Variants in AUTS2 observed in about 807,000 individuals in gnomAD.
The protein encoded by AUTS2 is autism susceptibility gene 2 protein.
Under a neutral mutation model 112.4 loss-of-function variants are expected in AUTS2, and 17 were observed. That is an observed-to-expected ratio of 0.15 (90% CI 0.10 to 0.23). The LOEUF is 0.23. AUTS2 is among the 10% of genes least tolerant of loss of function. The probability of loss-of-function intolerance (pLI) is 1.00; values close to 1 mark genes in which losing one functional copy is unlikely to be tolerated. For missense variants in AUTS2, 1,510 were observed against 1,701.6 expected (o/e 0.89, Z 1.98); for synonymous variants, 751 against 702.7 (o/e 1.07, Z -1.09).
At chr7:70,309,523 A>G (rs1585002212) in intron 4 of AUTS2, among the ~76,000 whole-genome samples, 1 of 152,302 alleles carries the variant, frequency 6.6e-6, no homozygotes. Context: ...TTCTGTACCA[A>G]TACACACCAC....
chr7:69,977,783 C>T (rs2129549141), intron 2 of AUTS2, among the ~76,000 whole-genome samples: 1 of 152,196 alleles, frequency 6.6e-6, no homozygotes, highest in African/African-American at 2.4e-5. Flanking sequence ...GTTTTTTCAA[C>T]TCCAAATCTG....
chr7:70,248,244 GACTACAGGCACCC>G (rs1813030659), intron 4 of AUTS2, among the ~76,000 whole-genome samples: 1 of 152,006 alleles, frequency 6.6e-6, no homozygotes, highest in Admixed American at 6.6e-5. Flanking sequence ...TAGTAGCTGG[GACTACAGGCACCC>G]ACTACCACGC....
chr7:69,926,951 T>C, intron 2 of AUTS2, among the ~76,000 whole-genome samples: 1 of 146,514 alleles, frequency 6.8e-6, no homozygotes, highest in East Asian at 1.9e-4. Flanking sequence ...TATATAAAGA[T>C]ATATAACATA....
intron 4 of AUTS2, among the ~76,000 whole-genome samples, chr7:70,213,628 T>G (rs1811032592): frequency 1.3e-5 from 2 of 152,146 alleles, no homozygotes; most frequent in African/African-American, 4.8e-5. Context: ...TTTAGGAAAT[T>G]CTTTGTTGCC....
At chr7:70,544,069 T>G (rs1800668340) in intron 5 of AUTS2, among the ~76,000 whole-genome samples, 1 of 152,208 alleles carries the variant, frequency 6.6e-6, no homozygotes. Context: ...GAATGTGTCC[T>G]TTGTATTTAA....
At chr7:69,965,532 C>A (rs1797603568) in intron 2 of AUTS2, among the ~76,000 whole-genome samples, 1 of 152,086 alleles carries the variant, frequency 6.6e-6, no homozygotes, top group Non-Finnish European at 1.5e-5. Flanking sequence ...TGCCCCCAAC[C>A]CAGACTTAGG....
chr7:70,346,049 T>C (rs937842858), intron 4 of AUTS2, among the ~76,000 whole-genome samples: 1 of 152,170 alleles, frequency 6.6e-6, no homozygotes, highest in Non-Finnish European at 1.5e-5. Flanking sequence ...TACGTGCCAG[T>C]GTGCTTCATC....
Position 69,899,482 on chromosome 7 carries a change from C to T in AUTS2, c.506C>T (p.Pro169Leu), listed in dbSNP as rs762540993. 16 of 1,613,812 alleles carry T rather than the reference C, an allele frequency of 9.9e-6. No homozygotes were observed. Among genetic ancestry groups the T allele is most frequent in the South Asian group, 4.4e-5 (4 of 91,068 alleles). Reference sequence around the variant, plus strand: ...CACCTTGGGAAGAGAAAGAAAATGCCGAAGGCACTCAGACAGGTGAGGAAG... The same window carrying T: ...CACCTTGGGAAGAGAAAGAAAATGCTGAAGGCACTCAGACAGGTGAGGAAG... ...CQHLGKRKKMPKALRQLKPGQ... is the reference protein window; with the variant it reads ...CQHLGKRKKMLKALRQLKPGQ... The change falls in exon 2 of 19, where the codon CCG becomes CTG. Residue 169 changes from proline (P) to leucine (L), a missense_variant. Pro to Leu is a moderately conservative substitution (Grantham distance 98). Transcript: ENST00000342771.
rs1251142821 is a variant in AUTS2 at position 70,421,738 on chromosome 7, A to G, written c.661-14014A>G. On this transcript the variant is annotated intron_variant, in intron 4 of 18. Coordinates refer to ENST00000342771, the MANE Select transcript of AUTS2 (RefSeq NM_015570.4). ...AAATACACAATTATTCTTTTCCTCCAAATAGAGAAACTCAATCCCCATTTT... is the reference window on the plus strand; with the variant it reads ...AAATACACAATTATTCTTTTCCTCCGAATAGAGAAACTCAATCCCCATTTT... 3.3e-5 allele frequency among the ~76,000 whole-genome samples: 5 copies of G among 152,316 alleles called. No individual in the cohort carries two copies. In the East Asian group the frequency reaches 7.7e-4, roughly 23 times the overall value.
chr7:69,965,262 T>A (rs1191996592), intron 2 of AUTS2, among the ~76,000 whole-genome samples: 1 of 152,150 alleles, frequency 6.6e-6, no homozygotes, highest in Non-Finnish European at 1.5e-5. Flanking sequence ...GAAAGTGTGC[T>A]AAGAACTTTA....
At chr7:70,590,422 G>A (rs770001518) in intron 5 of AUTS2, among the ~76,000 whole-genome samples, 2 of 152,092 alleles carry the variant, frequency 1.3e-5, no homozygotes, top group African/African-American at 4.8e-5. Flanking sequence ...TATCTCCCTA[G>A]AGGTTGTTAG....
At chr7:70,488,871 T>G (rs1307136479) in intron 5 of AUTS2, among the ~76,000 whole-genome samples, 1 of 152,228 alleles carries the variant, frequency 6.6e-6, no homozygotes, top group Non-Finnish European at 1.5e-5. Flanking sequence ...CGTAGCTGAC[T>G]CTGCCTGCAG....
chr7:70,213,032 A>G (rs778904855), intron 4 of AUTS2, among the ~76,000 whole-genome samples: 5 of 152,170 alleles, frequency 3.3e-5, no homozygotes, highest in African/African-American at 9.7e-5. Flanking sequence ...GAACAATTCA[A>G]ATGTTCTTAA....
chr7:70,632,459 T>A (rs1318445095), intron 5 of AUTS2, among the ~76,000 whole-genome samples: 1 of 151,852 alleles, frequency 6.6e-6, no homozygotes, highest in African/African-American at 2.4e-5. Flanking sequence ...GCTTCTTCAC[T>A]TTGCTCTCTG....
At chr7:70,639,670 G>C (rs766850586) in intron 5 of AUTS2, among the ~76,000 whole-genome samples, 5 of 143,008 alleles carry the variant, frequency 3.5e-5, no homozygotes, top group Non-Finnish European at 6.0e-5. Context: ...GGACCTTGCA[G>C]ACAGGCCACT....
chr7:70,720,624 T>C (rs1786586545), intron 6 of AUTS2, among the ~76,000 whole-genome samples: 1 of 152,226 alleles, frequency 6.6e-6, no homozygotes, highest in Non-Finnish European at 1.5e-5. Flanking sequence ...GTTCTCATCC[T>C]GGCCACCAGA....
At chr7:70,203,963 T>TA (rs34646200) in intron 4 of AUTS2, among the ~76,000 whole-genome samples, 3,116 of 138,926 alleles carry the variant, frequency 0.022, 90 homozygotes, top group African/African-American at 0.064. Context: ...TTTTAAGCCT[T>TA]AAAAAAAAAA....
chr7:70,137,076 A>G (rs1278065669), intron 4 of AUTS2, among the ~76,000 whole-genome samples: 3 of 152,076 alleles, frequency 2.0e-5, no homozygotes, highest in African/African-American at 7.2e-5. Context: ...TTTGTTTTTG[A>G]TCTGGTTGTA....
In AUTS2 at chr7:69,721,983, C is replaced by T. The variant is rs116915934; in HGVS notation, c.309+122021C>T. Among the ~76,000 whole-genome samples, 14 of 151,968 alleles carry T rather than the reference C, an allele frequency of 9.2e-5. No homozygotes were observed. The East Asian group carries it at 2.3e-3, about 25-fold the overall frequency. ...TCTGATTGGTAAAGTTATTGATAGG[C>T]GTTTGGACCTTGTCTTTTGGGAAGC... is the stretch of plus-strand genomic sequence containing the variant. On this transcript the variant is annotated intron_variant, in intron 1 of 18. Coordinates refer to ENST00000342771, the MANE Select transcript of AUTS2 (RefSeq NM_015570.4).
Sources: allele counts gnomAD v4.1 joint callset (sites outside exome capture counted in the v4.1 genomes callset), GRCh38; gene constraint gnomAD v4.1.1; transcripts MANE v1.5; gene names NCBI Gene and HGNC (gene_info 2026-07-23, HGNC 2026-07-21).